Variants in TRIM16 observed in about 807,000 individuals in gnomAD.
TRIM16 encodes tripartite motif containing 16.
TRIM16 carries 33 observed loss-of-function variants against 50.4 expected under a neutral mutation model. The observed-to-expected ratio is 0.65, with a 90% CI of 0.50 to 0.88. The LOEUF (loss-of-function observed/expected upper bound fraction) is 0.88. Among genes scored for constraint, TRIM16 ranks in the 40% least tolerant of loss-of-function variants. The pLI is 0.00. For missense variants in TRIM16, 581 were observed against 686.8 expected (o/e 0.85, Z 1.72); for synonymous variants, 229 against 270.7 (o/e 0.85, Z 1.51).
chr17:15,633,785 C>T (rs774631305), intron 9 of TRIM16, among the ~76,000 whole-genome samples: 1 of 150,826 alleles, frequency 6.6e-6, no homozygotes. Flanking sequence ...CATGATCTGC[C>T]GGCCATGGCC....
intron 6 of TRIM16, chr17:15,675,354 G>A (rs1988882311): frequency 6.2e-6 from 1 of 160,688 alleles, no homozygotes; most frequent in African/African-American, 2.4e-5. Context: ...AAGAGTCTGA[G>A]TGGATTTGTC....
chr17:15,636,195 C>G lies in TRIM16; in HGVS notation c.690G>C (p.Gln230His). Residue 230 changes from glutamine (Q) to histidine (H), a missense_variant, in exon 9 of 12, where the codon CAG becomes CAC. Gln to His is a conservative substitution (Grantham distance 24, BLOSUM62 0). This residue lies in a region of TRIM16 where 450 missense variants were observed against 544.3 expected (regional missense o/e 0.83). Transcript: ENST00000649191. ...CCTCTAAGAAGAGCATCACATTGGC[C>G]TGGGCCTTCCTCACAGCAGCAAGGA... ...GELLAAVRKA[Q>H]ANVMLFLEEK... is the part of the protein sequence containing the mutation. The G allele has an allele frequency of 6.2e-7, 1 of 1,609,544 alleles. No individual in the cohort carries two copies. Among genetic ancestry groups the G allele is most frequent in the Non-Finnish European group, 8.5e-7 (1 of 1,178,738 alleles).
rs563351643 is a variant in TRIM16 at position 15,640,840 on chromosome 17, AG to A, written c.615+1880del. Among the ~76,000 whole-genome samples, 417 of 148,724 alleles carry A rather than the reference AG, an allele frequency of 2.8e-3. 26 individuals are homozygous for A. The highest frequency in any genetic ancestry group is 9.7e-3 in the African/African-American group (391 of 40,190). ...GGTAGCCAGGCTCTAGGAGTCACAGAGGCCACAGAGTGCTCCCTGCCTGTAC... is the reference window on the plus strand; with the variant it reads ...GGTAGCCAGGCTCTAGGAGTCACAGAGCCACAGAGTGCTCCCTGCCTGTAC... On this transcript the variant is annotated intron_variant, in intron 8 of 11. Transcript: ENST00000649191.
At chr17:15,674,467 GAT>G (rs1177932263) in intron 6 of TRIM16, among the ~76,000 whole-genome samples, 1 of 151,850 alleles carries the variant, frequency 6.6e-6, no homozygotes, top group East Asian at 1.9e-4. Context: ...CCCCATTTTT[GAT>G]GTCTGGCCAT....
intron 8 of TRIM16, among the ~76,000 whole-genome samples, chr17:15,639,478 T>G (rs1196047894): frequency 6.8e-6 from 1 of 147,884 alleles, no homozygotes; most frequent in Non-Finnish European, 1.5e-5. Flanking sequence ...GATGGTAGAC[T>G]TTATCCAAAT....
chr17:15,654,064 G>A (rs1453448465), intron 6 of TRIM16, among the ~76,000 whole-genome samples: 2 of 152,210 alleles, frequency 1.3e-5, no homozygotes, highest in East Asian at 3.8e-4. Context: ...ATGGTTCCAA[G>A]ATATTACACT....
chr17:15,676,690 C>T (rs1988965685), intron 6 of TRIM16, among the ~76,000 whole-genome samples: 2 of 152,128 alleles, frequency 1.3e-5, no homozygotes, highest in East Asian at 1.9e-4. Context: ...CCGCCTCGGC[C>T]TCCCAAAGTG....
intron 6 of TRIM16, among the ~76,000 whole-genome samples, chr17:15,663,264 C>T (rs1988325144): frequency 6.6e-6 from 1 of 152,206 alleles, no homozygotes; most frequent in African/African-American, 2.4e-5. Context: ...CCACTCTCCT[C>T]TCCACTCAGG....
At chr17:15,629,340 C>T in intron 11 of TRIM16, 142 bp from the exon 12 acceptor site, 1 of 602,848 alleles carries the variant, frequency 1.7e-6, no homozygotes, top group Non-Finnish European at 2.9e-6. Context: ...CTGCTGTTTC[C>T]CTAGGAAATG....
chr17:15,635,669 C>T (rs1316736537), intron 9 of TRIM16, among the ~76,000 whole-genome samples: 1 of 121,698 alleles, frequency 8.2e-6, no homozygotes, highest in African/African-American at 3.4e-5. Context: ...CCGTGCCAGT[C>T]TCATCACTCT....
chr17:15,682,871 C>G lies in TRIM16; in HGVS notation c.-696G>C, dbSNP rs1989238897. On this transcript the variant is annotated 5_prime_UTR_variant, in exon 3 of 12. Coordinates refer to ENST00000649191, the MANE Select transcript of TRIM16 (RefSeq NM_001348119.1). ...ACACTCACCACGCACCAGGTGCTTTCCATAAATCAGTATTCACAGATGAGG... is the reference window on the plus strand; with the variant it reads ...ACACTCACCACGCACCAGGTGCTTTGCATAAATCAGTATTCACAGATGAGG... 6.9e-7 allele frequency: 1 copy of G among 1,451,348 alleles called. No homozygotes were observed. Among genetic ancestry groups the G allele is most frequent in the East Asian group, 2.5e-5 (1 of 39,930 alleles). 89.9% of individuals were successfully genotyped at this position (1,451,348 alleles called of 1,614,324 possible).
intron 8 of TRIM16, among the ~76,000 whole-genome samples, chr17:15,637,641 G>A (rs1263413338): frequency 2.4e-3 from 184 of 78,288 alleles, no homozygotes; most frequent in Admixed American, 3.0e-3. Flanking sequence ...CAGCCCCCCC[G>A]CCCGGCCAGC....
intron 7 of TRIM16, among the ~76,000 whole-genome samples, chr17:15,649,435 C>T (rs919836052): frequency 1.1e-4 from 17 of 151,988 alleles, no homozygotes; most frequent in Non-Finnish European, 1.9e-4. Context: ...TACAGTCGCC[C>T]GCCACCACAC....
chr17:15,628,785 A>G lies in TRIM16; in HGVS notation c.1525T>C (p.Tyr509His), dbSNP rs1986236242. The G allele has an allele frequency of 3.1e-6, 5 of 1,614,226 alleles. No homozygotes were observed. Among genetic ancestry groups the G allele is most frequent in the Non-Finnish European group, 4.2e-6 (5 of 1,180,044 alleles). ...IDFPGGILSF[Y>H]GVEYDTMTLV... ...GTCATGGTATCATACTCTACGCCAT[A>G]GAAGGAAAGGATCCCTCCCGGGAAG... The change falls in exon 12 of 12, where the codon TAT becomes CAT. Residue 509 changes from tyrosine to histidine, a missense_variant. Physicochemically the swap from Tyr to His is moderately conservative, Grantham distance 83. Around this residue, in one of 3 missense-constraint regions of TRIM16, gnomAD observed 115 missense variants for 106.7 expected, o/e 1.08. Coordinates refer to ENST00000649191, the MANE Select transcript of TRIM16 (RefSeq NM_001348119.1).
intron 6 of TRIM16, among the ~76,000 whole-genome samples, chr17:15,664,481 C>G (rs1229104395): frequency 6.6e-6 from 1 of 152,094 alleles, no homozygotes; most frequent in African/African-American, 2.4e-5. Context: ...GTGGGCGGAT[C>G]ACTTGAGGTC....
At chr17:15,659,597 C>T (rs569395211) in intron 6 of TRIM16, among the ~76,000 whole-genome samples, 2 of 152,366 alleles carry the variant, frequency 1.3e-5, no homozygotes, top group African/African-American at 4.8e-5. Context: ...AATAATCACA[C>T]AAATCTAACT....
At chr17:15,633,715 T>C (rs1472693565) in intron 9 of TRIM16, among the ~76,000 whole-genome samples, 2 of 148,386 alleles carry the variant, frequency 1.3e-5, no homozygotes, top group Non-Finnish European at 3.0e-5. Flanking sequence ...TAATTTTTTT[T>C]ATTTTTAGTA....
At chr17:15,653,873 G>A (rs1428676630) in intron 6 of TRIM16, among the ~76,000 whole-genome samples, 1 of 152,320 alleles carries the variant, frequency 6.6e-6, no homozygotes, top group East Asian at 1.9e-4. Flanking sequence ...GGATACAAAG[G>A]AATCCAGGAT....
chr17:15,674,671 C>G (rs896132635), intron 6 of TRIM16, among the ~76,000 whole-genome samples: 5 of 152,152 alleles, frequency 3.3e-5, no homozygotes, highest in African/African-American at 1.2e-4. Context: ...AAAGGCCCAG[C>G]CTCCTCTCTG....
Sources: allele counts gnomAD v4.1 joint callset (sites outside exome capture counted in the v4.1 genomes callset), GRCh38; gene constraint gnomAD v4.1.1; regional missense constraint gnomAD v4.1.1; transcripts MANE v1.5; gene names NCBI Gene and HGNC (gene_info 2026-07-23, HGNC 2026-07-21).